Variants in UROS observed in about 807,000 individuals in gnomAD.
The protein encoded by UROS is uroporphyrinogen-III synthase.
In UROS, 18 loss-of-function variants were observed where a neutral mutation model predicts 33.0. That is an observed-to-expected ratio of 0.55 (90% CI 0.38 to 0.81). UROS has a LOEUF of 0.81. Ranked by LOEUF, UROS falls within the 30% of genes least tolerant of loss-of-function variation. The probability of loss-of-function intolerance (pLI) is 0.00; values close to 1 mark genes in which losing one functional copy is unlikely to be tolerated. For missense variants in UROS, 293 were observed against 314.9 expected, an observed-to-expected ratio of 0.93 and a Z score of 0.53; for synonymous variants, 114 against 121.1, an observed-to-expected ratio of 0.94 and a Z score of 0.38.
At chr10:125,800,608 C>T (rs1851769014) in intron 6 of UROS, among the ~76,000 whole-genome samples, 1 of 150,094 alleles carries the variant, frequency 6.7e-6, no homozygotes, top group Admixed American at 6.7e-5. Context: ...TTCACCCAGG[C>T]TGGAGTGCAG....
chr10:125,797,671 C>T (rs960382296), intron 7 of UROS, among the ~76,000 whole-genome samples: 3 of 152,166 alleles, frequency 2.0e-5, no homozygotes, highest in Non-Finnish European at 2.9e-5. Flanking sequence ...TTGTGTGGCT[C>T]GGCTGGAGGG....
rs756012722 is a variant in UROS, at chr10:125,812,320, A to C, written c.245-32T>G. The C allele has an allele frequency of 3.7e-6, 6 of 1,604,806 alleles. No individual in the cohort carries two copies. The African/African-American group carries it at 8.0e-5, about 21-fold the overall frequency. On this transcript the variant is annotated intron_variant, in intron 4 of 9. Transcript: ENST00000368797. ...AACATGAAATGATATGTGAATTGCA[A>C]ATACCAAAGTGGCCATTTGGACTGT...
Position 125,804,894 on chromosome 10 carries a change from T to A in UROS, c.394+2519A>T, listed in dbSNP as rs554031921. Among the ~76,000 whole-genome samples, 5 of 152,324 alleles carry A rather than the reference T, an allele frequency of 3.3e-5. No homozygotes were observed. In the East Asian group the frequency reaches 9.7e-4, roughly 29 times the overall value. Reference sequence around the variant, plus strand: ...TCCAGCCCCAGCTAGGCTGGGAACTTCCAGAAGACAGGAATGGAGTTAAAC... The same window carrying A: ...TCCAGCCCCAGCTAGGCTGGGAACTACCAGAAGACAGGAATGGAGTTAAAC... On this transcript the variant is annotated intron_variant, in intron 6 of 9. Coordinates refer to ENST00000368797, the MANE Select transcript of UROS (RefSeq NM_000375.3).
intron 9 of UROS, among the ~76,000 whole-genome samples, chr10:125,790,188 C>T (rs1850817403): frequency 6.6e-6 from 1 of 152,168 alleles, no homozygotes; most frequent in African/African-American, 2.4e-5. Context: ...GCCCACAGTA[C>T]TGCCTTGCTA....
chr10:125,816,749 C>T, intron 1 of UROS: 1 of 580,320 alleles, frequency 1.7e-6, no homozygotes, highest in South Asian at 2.1e-5. Context: ...CTTGGAAAGA[C>T]AGATGAAACC....
At chr10:125,815,727 G>A (rs1190915306) in intron 3 of UROS, among the ~76,000 whole-genome samples, 1 of 152,182 alleles carries the variant, frequency 6.6e-6, no homozygotes, top group Non-Finnish European at 1.5e-5. Flanking sequence ...CTGAAGTTGT[G>A]GGCAGAAGCC....
At chr10:125,801,045 C>A (rs1462494055) in intron 6 of UROS, among the ~76,000 whole-genome samples, 2 of 152,204 alleles carry the variant, frequency 1.3e-5, no homozygotes, top group South Asian at 2.1e-4. Context: ...GACGTGCACA[C>A]ATCTGTAGAA....
At chr10:125,793,798 G>T (rs1851131023) in intron 9 of UROS, 1 of 152,126 alleles carries the variant, frequency 6.6e-6, no homozygotes, top group Admixed American at 6.5e-5. Context: ...TCCGCCTGAG[G>T]CCTCCCAAAG....
At chr10:125,797,230 A>T (rs1434843640) in intron 7 of UROS, among the ~76,000 whole-genome samples, 1 of 152,152 alleles carries the variant, frequency 6.6e-6, no homozygotes, top group Non-Finnish European at 1.5e-5. Flanking sequence ...GGACTATTAG[A>T]GCTTCAAAAC....
Position 125,812,213 on chromosome 10 carries a change from C to G in UROS, c.319+1G>C. ...GTTTTATTTTTACCTTGACTCCTTA[C>G]CTAGAGAAGCAGTAGCATTTCCAAC... On this transcript the variant is annotated splice_donor_variant, in intron 5 of 9. Coordinates refer to ENST00000368797, the MANE Select transcript of UROS (RefSeq NM_000375.3). LOFTEE classifies it high-confidence loss of function. 4 of 1,613,612 alleles carry G rather than the reference C, an allele frequency of 2.5e-6. No individual in the cohort carries two copies. The highest frequency in any genetic ancestry group is 3.4e-6 in the Non-Finnish European group (4 of 1,179,744).
chr10:125,812,380 G>A (rs1852895910), intron 4 of UROS, 92 bp from the exon 5 acceptor site: 2 of 1,150,732 alleles, frequency 1.7e-6, no homozygotes, highest in African/African-American at 1.5e-5. Flanking sequence ...AAGAAACTGT[G>A]AGCAAAGCAA....
intron 2 of UROS, 67 bp downstream of exon 2, chr10:125,816,370 T>C: frequency 6.2e-7 from 1 of 1,608,730 alleles, no homozygotes. Flanking sequence ...AACCCATCCC[T>C]GCCTGCTCCA....
intron 6 of UROS, chr10:125,803,103 G>A (rs763511122): frequency 3.7e-6 from 6 of 1,600,492 alleles, no homozygotes; most frequent in Non-Finnish European, 5.1e-6. Flanking sequence ...GAGACAGGAA[G>A]AGCTTTGGAG....
rs573328900 is a variant in UROS at position 125,816,614 on chromosome 10, C to T, written c.-26-89G>A. On this transcript the variant is annotated intron_variant, in intron 1 of 9. Coordinates refer to ENST00000368797, the MANE Select transcript of UROS (RefSeq NM_000375.3). Reference sequence around the variant, plus strand: ...ATGGGGACGGTACACAAGAAGAAGGCAATCAAATGCTTGTGGAAGAGACCT... The same window carrying T: ...ATGGGGACGGTACACAAGAAGAAGGTAATCAAATGCTTGTGGAAGAGACCT... 2.7e-4 allele frequency: 353 copies of T among 1,289,628 alleles called. 2 individuals carry two copies. The highest frequency in any genetic ancestry group is 7.5e-4 in the Admixed American group (42 of 56,052). 79.9% of individuals were successfully genotyped at this position (1,289,628 alleles called of 1,614,324 possible).
At chr10:125,791,586 T>C (rs1850939006) in intron 9 of UROS, 2 of 152,170 alleles carry the variant, frequency 1.3e-5, no homozygotes, top group African/African-American at 4.8e-5. Flanking sequence ...ATCCATCAAC[T>C]AGTGAATGGG....
chr10:125,812,120 A>T, intron 5 of UROS, 94 bp downstream of exon 5: 1 of 1,285,348 alleles, frequency 7.8e-7, no homozygotes. Context: ...TTTAATAAGC[A>T]AAAAATAATA....
At chr10:125,809,693 T>C (rs1327731610) in intron 5 of UROS, among the ~76,000 whole-genome samples, 2 of 152,192 alleles carry the variant, frequency 1.3e-5, no homozygotes, top group South Asian at 2.1e-4. Flanking sequence ...GTGAGGACTT[T>C]CTGTATAATG....
intron 4 of UROS, among the ~76,000 whole-genome samples, chr10:125,812,606 T>C (rs937536861): frequency 1.3e-5 from 2 of 152,102 alleles, no homozygotes; most frequent in African/African-American, 4.8e-5. Flanking sequence ...CATAGTGAAA[T>C]CAAAAATTTA....
intron 9 of UROS, chr10:125,789,237 G>A: frequency 7.0e-7 from 1 of 1,433,280 alleles, no homozygotes; most frequent in Non-Finnish European, 9.1e-7. Flanking sequence ...CTGTCGCCAG[G>A]CTCAGGTGAG....
Sources: gnomAD v4.1 joint callset for allele counts (sites outside exome capture counted in the v4.1 genomes callset) on GRCh38, gnomAD v4.1.1 for gene constraint, MANE v1.5 for transcripts, NCBI Gene and HGNC (gene_info 2026-07-23, HGNC 2026-07-21) for gene names.